NEBL: variants seen among roughly 807,000 people sequenced by gnomAD.
The protein encoded by NEBL is LIM and SH3 protein 2.
In NEBL, 122 loss-of-function variants were observed where a neutral mutation model predicts 140.2. That is an observed-to-expected ratio of 0.87 (90% confidence interval 0.75 to 1.01). The LOEUF is 1.01. Among genes scored for constraint, NEBL ranks in the 50% least tolerant of loss-of-function variants. The probability of loss-of-function intolerance (pLI) is 0.00; values close to 1 mark genes in which losing one functional copy is unlikely to be tolerated. For missense variants in NEBL, 1,365 were observed against 1,231.3 expected, an observed-to-expected ratio of 1.11 and a Z score of -1.62; for synonymous variants, 436 against 398.9, an observed-to-expected ratio of 1.09 and a Z score of -1.11.
At chr10:21,150,027 TAA>T (rs1040153275) in intron 2 of NEBL, among the ~76,000 whole-genome samples, 2 of 152,180 alleles carry the variant, frequency 1.3e-5, no homozygotes, top group African/African-American at 4.8e-5. Context: ...GTTCTCTACT[TAA>T]GTTATGTTCC....
At chr10:21,029,903 G>C in intron 2 of NEBL, 1 of 625,252 alleles carries the variant, frequency 1.6e-6, no homozygotes, top group Admixed American at 2.4e-5. Flanking sequence ...TATGAAGACC[G>C]ATACAACAGA....
chr10:21,289,691 A>G (rs1843116413), intron 1 of NEBL, among the ~76,000 whole-genome samples: 1 of 152,174 alleles, frequency 6.6e-6, no homozygotes, highest in Non-Finnish European at 1.5e-5. Context: ...GAAACTCACA[A>G]CTAAATTTGG....
chr10:21,098,674 C>T (rs929704802), intron 2 of NEBL, among the ~76,000 whole-genome samples: 4 of 152,116 alleles, frequency 2.6e-5, no homozygotes, highest in African/African-American at 9.7e-5. Flanking sequence ...GTTACAGGAG[C>T]GCATAAATAC....
chr10:21,075,269 G>A (rs1038353602), intron 2 of NEBL, among the ~76,000 whole-genome samples: 3 of 152,156 alleles, frequency 2.0e-5, no homozygotes, highest in African/African-American at 4.8e-5. Context: ...CATTTAAAAC[G>A]CTGAGGGCAA....
At chr10:21,219,035 C>T (rs937050635) in intron 3 of NEBL, among the ~76,000 whole-genome samples, 1 of 152,182 alleles carries the variant, frequency 6.6e-6, no homozygotes, top group African/African-American at 2.4e-5. Context: ...ATTTGATTCT[C>T]ATTGCCTTCA....
At chr10:21,020,352 A>G (rs907798613) in intron 2 of NEBL, 40 of 701,440 alleles carry the variant, frequency 5.7e-5, no homozygotes, top group East Asian at 4.1e-4. Flanking sequence ...CTCTGTCATT[A>G]TTCCAGACCT....
chr10:20,863,627 C>T (rs558679969), intron 7 of NEBL, among the ~76,000 whole-genome samples: 8 of 152,076 alleles, frequency 5.3e-5, no homozygotes, highest in Non-Finnish European at 1.0e-4. Context: ...GACTTTGCAC[C>T]AAATGTTAAT....
chr10:20,858,461 A>G, intron 8 of NEBL, 117 bp from the exon 9 acceptor site: 1 of 852,652 alleles, frequency 1.2e-6, no homozygotes. Context: ...TGGACAGACG[A>G]ATTTACAAGG....
intron 26 of NEBL, among the ~76,000 whole-genome samples, chr10:20,789,509 C>A (rs1835733922): frequency 6.6e-6 from 1 of 152,166 alleles, no homozygotes; most frequent in South Asian, 2.1e-4. Context: ...TAAGTGCTGA[C>A]AATTCAAGAA....
intron 3 of NEBL, among the ~76,000 whole-genome samples, chr10:21,183,231 T>A (rs957464069): frequency 6.6e-6 from 1 of 151,794 alleles, no homozygotes; most frequent in Non-Finnish European, 1.5e-5. Context: ...CAGAGATGAA[T>A]GAATGAGTCA....
intron 19 of NEBL, among the ~76,000 whole-genome samples, chr10:20,822,240 T>G (rs868179409): frequency 6.6e-6 from 1 of 152,126 alleles, no homozygotes; most frequent in Non-Finnish European, 1.5e-5. Flanking sequence ...ACCTCTCATC[T>G]TTAAAATCCC....
chr10:20,955,249 A>C (rs938589224), intron 4 of NEBL, among the ~76,000 whole-genome samples: 4 of 152,340 alleles, frequency 2.6e-5, no homozygotes, highest in South Asian at 2.1e-4. Context: ...ACCTATGGGA[A>C]GTTAAGGAGG....
At chr10:21,013,453 C>T (rs1398559341) in intron 3 of NEBL, among the ~76,000 whole-genome samples, 1 of 152,106 alleles carries the variant, frequency 6.6e-6, no homozygotes, top group African/African-American at 2.4e-5. Context: ...GCCAAAATGG[C>T]GTTCAAAGAA....
chr10:21,149,038 G>A (rs950355497), intron 2 of NEBL, among the ~76,000 whole-genome samples: 6 of 152,194 alleles, frequency 3.9e-5, no homozygotes, highest in African/African-American at 1.4e-4. Context: ...CTGAAAGGAC[G>A]GGACTGGCTG....
At chr10:21,175,013 TA>T (rs1841266302), upstream of NEBL, 3 of 152,152 alleles carry the variant, frequency 2.0e-5, no homozygotes, top group Non-Finnish European at 4.4e-5. Context: ...GGAAAGCAAT[TA>T]CAAACTCGTA....
At chr10:21,101,309 T>C (rs533212762) in intron 2 of NEBL, among the ~76,000 whole-genome samples, 3 of 152,242 alleles carry the variant, frequency 2.0e-5, no homozygotes, top group Non-Finnish European at 4.4e-5. Context: ...GATTCTCAGT[T>C]CTTCCAAGGT....
At chr10:20,991,835 T>C (rs1837470310) in intron 3 of NEBL, among the ~76,000 whole-genome samples, 1 of 147,758 alleles carries the variant, frequency 6.8e-6, no homozygotes, top group Non-Finnish European at 1.5e-5. Context: ...TACTCAGCAT[T>C]TAGCTCCCAC....
At position 21,229,092 on chromosome 10, in the gene NEBL, T is replaced by G. The variant is rs12246348; in HGVS notation, n.348+18829A>C. On this transcript the variant is annotated intron_variant and non_coding_transcript_variant, in intron 3 of 8. Transcript: ENST00000675702. ...GGGACTATTTGTTACCTCCCTATAC[T>G]CTAATCTGTACTGAGTAGTATAAAT... Among the ~76,000 whole-genome samples the G allele has an allele frequency of 6.8e-3, 1,034 of 152,248 alleles. 8 individuals carry two copies. Among genetic ancestry groups the G allele is most frequent in the African/African-American group, 0.024 (984 of 41,550 alleles).
chr10:21,104,788 T>C (rs1004015159), intron 2 of NEBL, among the ~76,000 whole-genome samples: 2 of 152,208 alleles, frequency 1.3e-5, no homozygotes, highest in Non-Finnish European at 1.5e-5. Flanking sequence ...GAGGCAAACA[T>C]CCTCACCCTG....
Sources: gnomAD v4.1 joint callset for allele counts (sites outside exome capture counted in the v4.1 genomes callset) on GRCh38, gnomAD v4.1.1 for gene constraint, MANE v1.5 for transcripts, NCBI Gene and HGNC (gene_info 2026-07-23, HGNC 2026-07-21) for gene names.